Variants in PCMT1 observed in about 807,000 individuals in gnomAD.
The protein encoded by PCMT1 is protein-L-isoaspartate (D-aspartate) O-methyltransferase.
In PCMT1, 9 loss-of-function variants were observed where a neutral mutation model predicts 29.2. That is an observed-to-expected ratio of 0.31 (90% confidence interval 0.19 to 0.54). PCMT1 has a LOEUF of 0.54. Ranked by LOEUF, PCMT1 falls within the 20% of genes least tolerant of loss-of-function variation. The pLI is 0.95. For synonymous variants in PCMT1, 98 were observed against 97.5 expected (o/e 1.00, Z -0.03); for missense variants, 184 against 282.2 (o/e 0.65, Z 2.49).
At chr6:149,763,843 T>C (rs1786961060) in intron 1 of PCMT1, among the ~76,000 whole-genome samples, 1 of 152,106 alleles carries the variant, frequency 6.6e-6, no homozygotes, top group South Asian at 2.1e-4. Flanking sequence ...ATGTAAAAAA[T>C]GGTTGACTAG....
chr6:149,796,550 A>G (rs755346445), intron 6 of PCMT1, 50 bp downstream of exon 6: 82 of 1,260,220 alleles, frequency 6.5e-5, no homozygotes, highest in Non-Finnish European at 9.0e-5. Flanking sequence ...CTAAAACTCT[A>G]CAAGACTTAA....
chr6:149,788,484 C>T (rs1040166276), intron 3 of PCMT1, among the ~76,000 whole-genome samples: 9 of 152,232 alleles, frequency 5.9e-5, no homozygotes, highest in East Asian at 5.8e-4. Flanking sequence ...AAAATTTTTA[C>T]GAATATGGGC....
intron 6 of PCMT1, among the ~76,000 whole-genome samples, chr6:149,801,294 T>C (rs192024474): frequency 6.6e-6 from 1 of 152,224 alleles, no homozygotes; most frequent in Non-Finnish European, 1.5e-5. Flanking sequence ...ATTTTGTGCA[T>C]GGAATAAAGT....
chr6:149,749,991 G>T, intron 1 of PCMT1, 35 bp downstream of exon 1: 1 of 1,588,626 alleles, frequency 6.3e-7, no homozygotes, highest in Non-Finnish European at 8.6e-7. Flanking sequence ...AGGGCAGCTG[G>T]GGCAGGCTGG....
chr6:149,800,085 T>G (rs1381283605), intron 6 of PCMT1, among the ~76,000 whole-genome samples: 1 of 152,146 alleles, frequency 6.6e-6, no homozygotes, highest in Non-Finnish European at 1.5e-5. Context: ...ATTATAAGCC[T>G]TGAAATTGAG....
At chr6:149,749,977 T>C (rs1786235768) in intron 1 of PCMT1, 21 bp downstream of exon 1, 3 of 1,602,024 alleles carry the variant, frequency 1.9e-6, no homozygotes, top group Non-Finnish European at 1.7e-6. Flanking sequence ...CCTCCGCCCG[T>C]TGTAGGGCAG....
chr6:149,778,817 G>A (rs952110418), intron 3 of PCMT1, among the ~76,000 whole-genome samples: 14 of 152,132 alleles, frequency 9.2e-5, no homozygotes, highest in African/African-American at 3.4e-4. Context: ...AGCATTACAG[G>A]TGTGAGCCAC....
intron 6 of PCMT1, among the ~76,000 whole-genome samples, chr6:149,798,645 AT>A (rs1467475584): frequency 6.6e-6 from 1 of 152,256 alleles, no homozygotes; most frequent in Non-Finnish European, 1.5e-5. Flanking sequence ...CTAGGAGACT[AT>A]ACCTGCAGTC....
At position 149,780,211 on chromosome 6, in the gene PCMT1, C is replaced by T. The variant is rs549308323; in HGVS notation, c.192+7042C>T. On this transcript the variant is annotated intron_variant, in intron 3 of 7. Coordinates refer to ENST00000464889, the MANE Select transcript of PCMT1 (RefSeq NM_001360452.2). ...AAACATTTAGCTGGGCGTGATAGTACGTGCCTGTGGTCCCAGCTATTCTGC... is the reference window on the plus strand; with the variant it reads ...AAACATTTAGCTGGGCGTGATAGTATGTGCCTGTGGTCCCAGCTATTCTGC... 2.6e-3 allele frequency among the ~76,000 whole-genome samples: 396 copies of T among 151,816 alleles called. 3 individuals carry two copies. Among genetic ancestry groups the T allele is most frequent in the African/African-American group, 9.0e-3 (373 of 41,376 alleles).
At chr6:149,773,041 AT>A in intron 2 of PCMT1, 96 bp from the exon 3 acceptor site, 1 of 823,938 alleles carries the variant, frequency 1.2e-6, no homozygotes, top group East Asian at 2.7e-5. Flanking sequence ...AAAAAGAATT[AT>A]TGTGAAAAAT....
At chr6:149,773,107 CTG>C in intron 2 of PCMT1, 29 bp from the exon 3 acceptor site, 1 of 1,561,736 alleles carries the variant, frequency 6.4e-7, no homozygotes, top group South Asian at 1.1e-5. Flanking sequence ...TTACAGCTGA[CTG>C]TATCAGTAGT....
intron 1 of PCMT1, among the ~76,000 whole-genome samples, chr6:149,760,431 A>C (rs185386410): frequency 6.6e-6 from 1 of 152,156 alleles, no homozygotes; most frequent in East Asian, 1.9e-4. Flanking sequence ...CTGAAGACCT[A>C]GACTCCTCTC....
At chr6:149,756,527 T>A (rs980915728) in intron 1 of PCMT1, among the ~76,000 whole-genome samples, 10 of 140,784 alleles carry the variant, frequency 7.1e-5, no homozygotes, top group East Asian at 2.0e-4. Flanking sequence ...TTTTTTTTTT[T>A]TTTTTTTTTT....
In PCMT1 at chr6:149,793,560, T is replaced by C. The variant is rs373024916; in HGVS notation, c.309T>C (p.Thr103=). The C allele has an allele frequency of 6.8e-5, 100 of 1,481,024 alleles. No homozygotes were observed. Among genetic ancestry groups the C allele is most frequent in the Non-Finnish European group, 8.6e-5 (97 of 1,121,396 alleles). 91.7% of individuals were successfully genotyped at this position (1,481,024 alleles called of 1,614,324 possible). A position where few individuals can be genotyped will look rare whatever the true frequency, so the allele number is the denominator to read the frequency against. Residue 103 remains threonine, a synonymous_variant, in exon 5 of 8, where the codon ACT becomes ACC. Transcript: ENST00000464889. ...TTTCTCTTTTCCAGGTTGGATGTAC[T>C]GGAAAAGTCATAGGAATTGATCACA... ...TACFARMVGC[T]GKVIGIDHIK...
chr6:149,758,876 A>AT lies in PCMT1; in HGVS notation c.55+8930dup, dbSNP rs1056373759. On this transcript the variant is annotated intron_variant, in intron 1 of 7. Transcript: ENST00000464889. ...AAATTCTTCCTTAATTATATTGTGA[A>AT]TTTTTTTTTTCTTTTTTGAGACGGA... is the stretch of plus-strand genomic sequence containing the variant. Among the ~76,000 whole-genome samples the AT allele has an allele frequency of 4.0e-5, 6 of 150,840 alleles. No homozygotes were observed. The South Asian group carries it at 6.3e-4, about 16-fold the overall frequency.
At chr6:149,782,532 G>T (rs1787854325) in intron 3 of PCMT1, among the ~76,000 whole-genome samples, 1 of 152,176 alleles carries the variant, frequency 6.6e-6, no homozygotes, top group Non-Finnish European at 1.5e-5. Context: ...AAATACCACT[G>T]CTTACTAAAA....
At chr6:149,792,893 T>C (rs1224324400) in intron 4 of PCMT1, among the ~76,000 whole-genome samples, 1 of 152,102 alleles carries the variant, frequency 6.6e-6, no homozygotes, top group Non-Finnish European at 1.5e-5. Context: ...GGGTGTGTGG[T>C]GGCTCAGTCC....
chr6:149,788,431 CTG>C (rs1405637334), intron 3 of PCMT1, among the ~76,000 whole-genome samples: 15 of 152,240 alleles, frequency 9.9e-5, no homozygotes, highest in African/African-American at 3.4e-4. Flanking sequence ...TAAAGAATGA[CTG>C]AGAAATGGTT....
intron 1 of PCMT1, among the ~76,000 whole-genome samples, chr6:149,768,589 C>G (rs1365308174): frequency 1.3e-5 from 2 of 150,880 alleles, no homozygotes; most frequent in African/African-American, 4.9e-5. Context: ...TAGCTGGGAT[C>G]ACAGACATGA....
Sources: allele counts gnomAD v4.1 joint callset (sites outside exome capture counted in the v4.1 genomes callset), GRCh38; gene constraint gnomAD v4.1.1; transcripts MANE v1.5; gene names NCBI Gene and HGNC (gene_info 2026-07-23, HGNC 2026-07-21).